The following ROBO2 variants were observed in gnomAD, a reference collection of about 807,000 sequenced individuals.
ROBO2 encodes roundabout guidance receptor 2, also known as roundabout homolog 2.
In ROBO2, 53 loss-of-function variants were observed where a neutral mutation model predicts 160.8. The ratio of observed to expected loss-of-function variants is 0.33; its 90% CI spans 0.26 to 0.41. ROBO2 has a LOEUF of 0.41. Among genes scored for constraint, ROBO2 ranks in the 10% least tolerant of loss-of-function variants. The probability of loss-of-function intolerance (pLI) is 1.00; values close to 1 mark genes in which losing one functional copy is unlikely to be tolerated. For synonymous variants in ROBO2, 664 were observed against 611.7 expected (o/e 1.09, Z -1.26); for missense variants, 1,577 against 1,722.4 (o/e 0.92, Z 1.49).
intron 2 of ROBO2, among the ~76,000 whole-genome samples, chr3:76,218,683 A>T (rs970044024): frequency 6.6e-6 from 1 of 152,212 alleles, no homozygotes; most frequent in Non-Finnish European, 1.5e-5. Context: ...CAAATGGAAG[A>T]ACATTCCATG....
intron 2 of ROBO2, among the ~76,000 whole-genome samples, chr3:77,366,962 T>C (rs2153473587): frequency 6.7e-6 from 1 of 148,734 alleles, no homozygotes; most frequent in South Asian, 2.2e-4. Flanking sequence ...TAGGCCCCAC[T>C]TCAAACACTG....
chr3:76,400,479 A>T (rs1458388680), intron 2 of ROBO2, among the ~76,000 whole-genome samples: 1 of 151,600 alleles, frequency 6.6e-6, no homozygotes. Flanking sequence ...TTTTGCAAAA[A>T]TTCTATTATT....
intron 2 of ROBO2, among the ~76,000 whole-genome samples, chr3:76,351,088 A>G (rs2074844062): frequency 6.6e-6 from 1 of 151,910 alleles, no homozygotes; most frequent in Admixed American, 6.6e-5. Context: ...ATCATGTTCA[A>G]GTGAATTTTC....
chr3:77,238,082 A>ATT (rs11432191), intron 2 of ROBO2, among the ~76,000 whole-genome samples: 10 of 151,378 alleles, frequency 6.6e-5, no homozygotes, highest in South Asian at 2.1e-4. Flanking sequence ...TTCTAATCAG[A>ATT]TTTTTTTTTG....
intron 4 of ROBO2, 141 bp from the exon 5 acceptor site, chr3:77,493,103 T>C (rs1211293058): frequency 3.8e-6 from 3 of 784,078 alleles, no homozygotes; most frequent in Non-Finnish European, 6.5e-6. Context: ...TCACAAGGCC[T>C]TATTAAAACA....
rs180869394 is a variant in ROBO2 at position 76,414,001 on chromosome 3, G to A, written c.109+476399G>A. On this transcript the variant is annotated intron_variant, in intron 2 of 26. Coordinates refer to the ROBO2 transcript ENST00000487694. ...GGAGGCCTCAGAATCATGGCAGGAG[G>A]CAAAAGGCACTTCTTACCTGGTGGC... 1.4e-4 allele frequency among the ~76,000 whole-genome samples: 22 copies of A among 152,290 alleles called. No homozygotes were observed. The East Asian group carries it at 4.3e-3, about 30-fold the overall frequency.
chr3:76,676,690 T>C (rs1446437016), intron 2 of ROBO2, among the ~76,000 whole-genome samples: 1 of 152,116 alleles, frequency 6.6e-6, no homozygotes, highest in Non-Finnish European at 1.5e-5. Flanking sequence ...CCAAGTGTTC[T>C]GCTAGGCATG....
chr3:77,156,661 A>G (rs934634759), intron 2 of ROBO2, among the ~76,000 whole-genome samples: 4 of 151,690 alleles, frequency 2.6e-5, no homozygotes, highest in African/African-American at 9.7e-5. Context: ...CTTTAGTAAA[A>G]TAGTAAATAA....
chr3:75,996,724 CTGATATATGTAAATCATCAATT>C (rs1290152080), intron 2 of ROBO2, among the ~76,000 whole-genome samples: 5 of 72,402 alleles, frequency 6.9e-5, no homozygotes, highest in African/African-American at 1.8e-4. Flanking sequence ...AATATCTATT[CTGATATATGTAAATCATCAATT>C]CTGATATATG....
At chr3:77,361,440 A>C (rs1023791056) in intron 2 of ROBO2, among the ~76,000 whole-genome samples, 1 of 152,172 alleles carries the variant, frequency 6.6e-6, no homozygotes, top group Admixed American at 6.6e-5. Context: ...AAAACATGTT[A>C]TATATCAAGC....
intron 2 of ROBO2, among the ~76,000 whole-genome samples, chr3:77,131,144 T>C (rs574599805): frequency 1.3e-5 from 2 of 152,288 alleles, no homozygotes; most frequent in African/African-American, 4.8e-5. Context: ...ACCTTTCTAA[T>C]TCTAATGGCT....
chr3:76,087,969 AT>A (rs2069083384), intron 2 of ROBO2, among the ~76,000 whole-genome samples: 1 of 152,096 alleles, frequency 6.6e-6, no homozygotes, highest in Non-Finnish European at 1.5e-5. Context: ...ATTATATGTT[AT>A]TTATAAAAAG....
chr3:77,562,969 C>A (rs934412937), intron 10 of ROBO2, among the ~76,000 whole-genome samples, 198 bp from the exon 12 acceptor site: 1 of 152,086 alleles, frequency 6.6e-6, no homozygotes, highest in African/African-American at 2.4e-5. Flanking sequence ...GTAAGGAATT[C>A]TAATGATCCT....
intron 1 of ROBO2, among the ~76,000 whole-genome samples, chr3:75,918,672 A>T (rs918555881): frequency 6.6e-6 from 1 of 152,010 alleles, no homozygotes; most frequent in African/African-American, 2.4e-5. Flanking sequence ...ATGAGGATGG[A>T]ATGTTTCTCT....
intron 2 of ROBO2, among the ~76,000 whole-genome samples, chr3:76,709,031 T>G (rs1186190058): frequency 6.6e-6 from 1 of 152,156 alleles, no homozygotes; most frequent in Non-Finnish European, 1.5e-5. Flanking sequence ...AATATAGATA[T>G]TTTGTTTTTG....
At chr3:77,293,630 A>G (rs1215070915) in intron 2 of ROBO2, among the ~76,000 whole-genome samples, 1 of 143,868 alleles carries the variant, frequency 7.0e-6, no homozygotes, top group African/African-American at 2.7e-5. Context: ...TGACGGTTAA[A>G]CGGGTAAGCT....
intron 2 of ROBO2, among the ~76,000 whole-genome samples, chr3:76,092,468 A>G (rs756808392): frequency 2.0e-5 from 3 of 152,168 alleles, no homozygotes; most frequent in Non-Finnish European, 4.4e-5. Context: ...TTTCAAATTA[A>G]CAGTAATGGC....
chr3:76,286,139 G>A (rs1708494122), intron 2 of ROBO2, among the ~76,000 whole-genome samples: 1 of 152,172 alleles, frequency 6.6e-6, no homozygotes, highest in Admixed American at 6.6e-5. Context: ...ATGAACAGAT[G>A]GAATTGCCAC....
chr3:75,966,210 T>A lies in ROBO2; in HGVS notation c.109+28608T>A, dbSNP rs139790169. Among the ~76,000 whole-genome samples, 264 of 151,762 alleles carry A rather than the reference T, an allele frequency of 1.7e-3. 5 individuals are homozygous for A. Among genetic ancestry groups the A allele is most frequent in the African/African-American group, 6.0e-3 (247 of 41,506 alleles). ...ATGACTCAAATTGGTTGGGTAAAAC[T>A]GTAAGACACAATGTCAGCAAGGTGA... On this transcript the variant is annotated intron_variant, in intron 2 of 26. Coordinates refer to the ROBO2 transcript ENST00000487694.
Sources: gnomAD v4.1 joint callset for allele counts (sites outside exome capture counted in the v4.1 genomes callset) on GRCh38, gnomAD v4.1.1 for gene constraint, MANE v1.5 for transcripts, NCBI Gene and HGNC (gene_info 2026-07-23, HGNC 2026-07-21) for gene names.